The following POT1 variants were observed in gnomAD, a reference collection of about 807,000 sequenced individuals.
POT1 encodes the protein protection of telomeres protein 1.
Under a neutral mutation model 78.5 loss-of-function variants are expected in POT1, and 47 were observed. The ratio of observed to expected loss-of-function variants is 0.60; its 90% CI spans 0.47 to 0.76. POT1 has a LOEUF of 0.76. POT1 is among the 30% of genes least tolerant of loss of function. The probability of loss-of-function intolerance (pLI) is 0.00; values close to 1 mark genes in which losing one functional copy is unlikely to be tolerated. For synonymous variants in POT1, 259 were observed against 260.7 expected, an observed-to-expected ratio of 0.99 and a Z score of 0.06; for missense variants, 646 against 749.9, an observed-to-expected ratio of 0.86 and a Z score of 1.62.
At chr7:124,897,284 G>A in intron 4 of POT1, 72 bp from the exon 5 acceptor site, 3 of 523,466 alleles carry the variant, frequency 5.7e-6, no homozygotes, top group Non-Finnish European at 9.9e-6. Flanking sequence ...TTTAGTTGTA[G>A]TAAAAGTACA....
chr7:124,874,797 A>AG (rs1795951359), intron 6 of POT1, among the ~76,000 whole-genome samples: 1 of 150,812 alleles, frequency 6.6e-6, no homozygotes, highest in Middle Eastern at 3.2e-3. Context: ...GAAGGGAATG[A>AG]GGGGGAGGAA....
intron 8 of POT1, among the ~76,000 whole-genome samples, chr7:124,860,756 C>G (rs57458159): frequency 6.6e-6 from 1 of 151,688 alleles, no homozygotes; most frequent in Non-Finnish European, 1.5e-5. Flanking sequence ...ATCTCTCCCC[C>G]AGCCCCCTAC....
chr7:124,873,682 C>T (rs1795924023), intron 6 of POT1, among the ~76,000 whole-genome samples: 1 of 152,078 alleles, frequency 6.6e-6, no homozygotes, highest in African/African-American at 2.4e-5. Context: ...GTTAGTTCTC[C>T]ATTGAATGTT....
chr7:124,845,028 T>G (rs1329691768), intron 12 of POT1, among the ~76,000 whole-genome samples: 3 of 152,182 alleles, frequency 2.0e-5, no homozygotes, highest in Non-Finnish European at 2.9e-5. Context: ...TGAGAATAAC[T>G]ACCAGACATT....
chr7:124,904,761 T>G (rs1796717643), intron 3 of POT1, among the ~76,000 whole-genome samples: 1 of 152,102 alleles, frequency 6.6e-6, no homozygotes, highest in African/African-American at 2.4e-5. Context: ...CGGTCTCAGC[T>G]CAAAATCTCC....
intron 3 of POT1, among the ~76,000 whole-genome samples, chr7:124,910,444 C>T (rs1249736139): frequency 6.6e-6 from 1 of 151,876 alleles, no homozygotes; most frequent in Non-Finnish European, 1.5e-5. Flanking sequence ...AGAGGGCTAA[C>T]AGTTAATACT....
intron 2 of POT1, among the ~76,000 whole-genome samples, chr7:124,921,691 G>A (rs1167518540): frequency 1.3e-5 from 2 of 151,930 alleles, no homozygotes; most frequent in Non-Finnish European, 1.5e-5. Context: ...CTCAAAGAGA[G>A]AGCAACAGAA....
chr7:124,903,468 G>A (rs1796676505), intron 3 of POT1, among the ~76,000 whole-genome samples: 1 of 152,136 alleles, frequency 6.6e-6, no homozygotes, highest in Non-Finnish European at 1.5e-5. Flanking sequence ...GATGTTCTTT[G>A]AAACCAATGA....
intron 6 of POT1, among the ~76,000 whole-genome samples, chr7:124,873,046 T>A (rs558109135): frequency 6.6e-6 from 1 of 152,352 alleles, no homozygotes; most frequent in East Asian, 1.9e-4. Context: ...AACCATCTAG[T>A]TGAGTTCCTC....
intron 6 of POT1, among the ~76,000 whole-genome samples, chr7:124,874,260 C>T (rs1795936025): frequency 6.6e-6 from 1 of 152,094 alleles, no homozygotes; most frequent in Non-Finnish European, 1.5e-5. Flanking sequence ...ATCCCACCCA[C>T]CCTAGGCTGA....
At chr7:124,904,722 G>A (rs1347147968) in intron 3 of POT1, among the ~76,000 whole-genome samples, 3 of 152,152 alleles carry the variant, frequency 2.0e-5, no homozygotes, top group African/African-American at 2.4e-5. Flanking sequence ...GTTTGCAGAT[G>A]ACATGATTAT....
intron 4 of POT1, among the ~76,000 whole-genome samples, chr7:124,898,020 G>A (rs1040917599): frequency 6.6e-6 from 1 of 151,770 alleles, no homozygotes; most frequent in African/African-American, 2.4e-5. Context: ...ATGTCTGTGC[G>A]GTTTTGTAAG....
At chr7:124,884,907 A>G (rs972709386) in intron 6 of POT1, among the ~76,000 whole-genome samples, 2 of 152,210 alleles carry the variant, frequency 1.3e-5, no homozygotes, top group South Asian at 4.1e-4. Context: ...TTTAAAAAAT[A>G]GCTATTTCTA....
At chr7:124,833,906 CTCT>C (rs1257551795) in intron 15 of POT1, among the ~76,000 whole-genome samples, 3 of 152,244 alleles carry the variant, frequency 2.0e-5, no homozygotes, top group South Asian at 2.1e-4. Context: ...ATAAAAATTA[CTCT>C]TCAACAGTTT....
intron 2 of POT1, among the ~76,000 whole-genome samples, chr7:124,916,557 T>C (rs1797019563): frequency 1.3e-5 from 2 of 152,164 alleles, no homozygotes; most frequent in Admixed American, 6.5e-5. Context: ...AATTGTTTTA[T>C]TTCTATGATA....
intron 5 of POT1, 85 bp from the exon 6 acceptor site, chr7:124,892,465 A>G (rs1796395151): frequency 1.5e-6 from 1 of 677,162 alleles, no homozygotes; most frequent in Admixed American, 3.3e-5. Context: ...CAGCAAATCC[A>G]TGTAACTATT....
At chr7:124,858,762 A>G (rs1795506987) in intron 9 of POT1, 195 bp downstream of exon 9, 3 of 375,544 alleles carry the variant, frequency 8.0e-6, no homozygotes, top group Admixed American at 4.4e-5. Context: ...TATTTTAAAA[A>G]TTGCTCTAAC....
At chr7:124,905,902 G>T (rs1322322779) in intron 3 of POT1, among the ~76,000 whole-genome samples, 1 of 152,112 alleles carries the variant, frequency 6.6e-6, no homozygotes, top group Non-Finnish European at 1.5e-5. Context: ...CATTATCACT[G>T]GCCATCAGAG....
At chr7:124,915,025 TA>T (rs1158667268) in intron 3 of POT1, among the ~76,000 whole-genome samples, 1 of 152,232 alleles carries the variant, frequency 6.6e-6, no homozygotes, top group Non-Finnish European at 1.5e-5. Flanking sequence ...TTACTTTATG[TA>T]ATTATTCACT....
Sources: allele counts gnomAD v4.1 joint callset (sites outside exome capture counted in the v4.1 genomes callset), GRCh38; gene constraint gnomAD v4.1.1; transcripts MANE v1.5; gene names NCBI Gene and HGNC (gene_info 2026-07-23, HGNC 2026-07-21).